GALNTL6: variants seen among roughly 807,000 people sequenced by gnomAD.
GALNTL6 encodes the protein polypeptide N-acetylgalactosaminyltransferase like 6.
Under a neutral mutation model 73.7 loss-of-function variants are expected in GALNTL6, and 46 were observed. That is an observed-to-expected ratio of 0.62 (90% confidence interval 0.49 to 0.80). GALNTL6 has a LOEUF of 0.80. GALNTL6 is among the 30% of genes least tolerant of loss of function. The probability of loss-of-function intolerance (pLI) is 0.00; values close to 1 mark genes in which losing one functional copy is unlikely to be tolerated. For synonymous variants in GALNTL6, 259 were observed against 263.7 expected (o/e 0.98, Z 0.17); for missense variants, 604 against 755.0 (o/e 0.80, Z 2.34).
chr4:171,957,463 A>C (rs2111041434), intron 2 of GALNTL6, among the ~76,000 whole-genome samples: 1 of 152,332 alleles, frequency 6.6e-6, no homozygotes, highest in Non-Finnish European at 1.5e-5. Context: ...AAATTTATGG[A>C]CAGCCAACCT....
At chr4:172,290,061 C>T (rs1023495881) in intron 3 of GALNTL6, among the ~76,000 whole-genome samples, 27 of 152,110 alleles carry the variant, frequency 1.8e-4, no homozygotes, top group African/African-American at 5.8e-4. Flanking sequence ...GTGAATTATC[C>T]TTAATTATTT....
intron 4 of GALNTL6, among the ~76,000 whole-genome samples, chr4:172,312,663 TA>T (rs1740403769): frequency 6.6e-6 from 1 of 152,184 alleles, no homozygotes; most frequent in African/African-American, 2.4e-5. Context: ...AAATCTAAAT[TA>T]AACCAGTAAT....
chr4:171,830,388 G>A (rs1197239486), intron 2 of GALNTL6, among the ~76,000 whole-genome samples: 1 of 152,082 alleles, frequency 6.6e-6, no homozygotes. Flanking sequence ...TACTTAGAGT[G>A]CTTAGCATTA....
intron 5 of GALNTL6, among the ~76,000 whole-genome samples, chr4:172,375,993 G>A (rs1418219902): frequency 1.3e-5 from 2 of 152,166 alleles, no homozygotes; most frequent in African/African-American, 4.8e-5. Flanking sequence ...GAATAGGAAG[G>A]ATACAATTTC....
intron 9 of GALNTL6, among the ~76,000 whole-genome samples, chr4:172,947,281 T>C (rs1749212984): frequency 6.6e-6 from 1 of 151,078 alleles, no homozygotes; most frequent in Non-Finnish European, 1.5e-5. Flanking sequence ...GGACAGAAGG[T>C]AGACAGCAAG....
intron 5 of GALNTL6, among the ~76,000 whole-genome samples, chr4:172,513,905 G>T (rs142357879): frequency 6.6e-6 from 1 of 152,210 alleles, no homozygotes; most frequent in Non-Finnish European, 1.5e-5. Flanking sequence ...TGGCAGTAAA[G>T]TTGTCATGTA....
At chr4:172,485,539 A>G (rs910462983) in intron 5 of GALNTL6, among the ~76,000 whole-genome samples, 5 of 150,544 alleles carry the variant, frequency 3.3e-5, no homozygotes, top group Admixed American at 1.3e-4. Context: ...CTACTGATCT[A>G]TTCAGAGATC....
intron 5 of GALNTL6, among the ~76,000 whole-genome samples, chr4:172,512,697 A>G (rs1400692835): frequency 2.0e-5 from 3 of 152,082 alleles, no homozygotes. Flanking sequence ...TCCTTCATTT[A>G]TAAGACTTTG....
chr4:172,412,250 C>T (rs976944526), intron 5 of GALNTL6, among the ~76,000 whole-genome samples: 2 of 152,100 alleles, frequency 1.3e-5, no homozygotes, highest in Non-Finnish European at 2.9e-5. Flanking sequence ...CCTTGTTGAC[C>T]AGGCTGATCT....
chr4:171,946,414 T>C (rs1738703149), intron 2 of GALNTL6, among the ~76,000 whole-genome samples: 1 of 152,188 alleles, frequency 6.6e-6, no homozygotes, highest in Non-Finnish European at 1.5e-5. Flanking sequence ...TATTTTTTCT[T>C]AAGCAATTCC....
At chr4:172,751,535 A>G (rs1368062198) in intron 5 of GALNTL6, among the ~76,000 whole-genome samples, 1 of 152,256 alleles carries the variant, frequency 6.6e-6, no homozygotes, top group Non-Finnish European at 1.5e-5. Flanking sequence ...GAATCCTTCC[A>G]TCCTATCTGA....
chr4:172,301,196 G>T (rs951787971), intron 3 of GALNTL6, among the ~76,000 whole-genome samples: 8 of 152,128 alleles, frequency 5.3e-5, no homozygotes, highest in Admixed American at 4.6e-4. Flanking sequence ...CGTAGTTCTT[G>T]TGGCATGGTT....
intron 2 of GALNTL6, among the ~76,000 whole-genome samples, chr4:171,974,897 G>A (rs1739675010): frequency 6.6e-6 from 1 of 152,148 alleles, no homozygotes; most frequent in Non-Finnish European, 1.5e-5. Flanking sequence ...TTTCAATGAT[G>A]CTTTCTTAAT....
intron 2 of GALNTL6, among the ~76,000 whole-genome samples, chr4:172,012,840 G>T (rs1236641932): frequency 6.6e-6 from 1 of 151,948 alleles, no homozygotes; most frequent in Non-Finnish European, 1.5e-5. Flanking sequence ...AATTTTAAGT[G>T]TACAATGCGA....
chr4:172,958,731 A>G (rs967408376), intron 10 of GALNTL6, among the ~76,000 whole-genome samples: 8 of 152,182 alleles, frequency 5.3e-5, no homozygotes, highest in Non-Finnish European at 1.0e-4. Context: ...CTGTCTGTGA[A>G]GCCTTGAGGC....
At chr4:172,632,801 T>C (rs1041434765) in intron 5 of GALNTL6, among the ~76,000 whole-genome samples, 1 of 152,226 alleles carries the variant, frequency 6.6e-6, no homozygotes, top group African/African-American at 2.4e-5. Flanking sequence ...CTCCATGGGC[T>C]GAGCCCAGGG....
At chr4:172,265,473 A>C (rs1405154387) in intron 3 of GALNTL6, among the ~76,000 whole-genome samples, 1 of 152,092 alleles carries the variant, frequency 6.6e-6, no homozygotes, top group Non-Finnish European at 1.5e-5. Flanking sequence ...CAATCAAAAT[A>C]TTAAAGATTC....
In GALNTL6 at chr4:172,491,013, G is replaced by A. The variant is rs113130092; in HGVS notation, c.553+142324G>A. Among the ~76,000 whole-genome samples, 1,119 of 143,810 alleles carry A rather than the reference G, an allele frequency of 7.8e-3. 17 individuals carry two copies. Among genetic ancestry groups the A allele is most frequent in the African/African-American group, 0.027 (1,050 of 38,720 alleles). The allele number at this position is 143,810 out of a possible 152,430, so 94.3% of individuals were successfully genotyped here. A position where few individuals can be genotyped will look rare whatever the true frequency, so the allele number is the denominator to read the frequency against. On this transcript the variant is annotated intron_variant, in intron 5 of 12. Transcript: ENST00000506823. ...GGTAGTCCTTGGCCCATGTAGTCAG[G>A]ACCTTATGTTGTCAAAAACAAAGAC...
At chr4:172,958,677 T>C (rs1579708573) in intron 10 of GALNTL6, among the ~76,000 whole-genome samples, 1 of 151,998 alleles carries the variant, frequency 6.6e-6, no homozygotes, top group Non-Finnish European at 1.5e-5. Flanking sequence ...TCGAGATAGG[T>C]AACAGATGAG....
Sources: allele counts gnomAD v4.1 joint callset (sites outside exome capture counted in the v4.1 genomes callset), GRCh38; gene constraint gnomAD v4.1.1; transcripts MANE v1.5; gene names NCBI Gene and HGNC (gene_info 2026-07-23, HGNC 2026-07-21).